The following CRY1 variants were observed in gnomAD, a reference collection of about 807,000 sequenced individuals.
CRY1 encodes the protein cryptochrome circadian regulator 1.
Under a neutral mutation model 76.0 loss-of-function variants are expected in CRY1, and 45 were observed. The ratio of observed to expected loss-of-function variants is 0.59; its 90% CI spans 0.47 to 0.76. The LOEUF is 0.76. Ranked by LOEUF, CRY1 falls within the 30% of genes least tolerant of loss-of-function variation. The probability of loss-of-function intolerance (pLI) is 0.00; values close to 1 mark genes in which losing one functional copy is unlikely to be tolerated. For synonymous variants in CRY1, 248 were observed against 244.0 expected (o/e 1.02, Z -0.15); for missense variants, 587 against 716.4 (o/e 0.82, Z 2.06).
At chr12:107,005,947 G>T (rs1263951144) in intron 2 of CRY1, among the ~76,000 whole-genome samples, 1 of 148,880 alleles carries the variant, frequency 6.7e-6, no homozygotes, top group Non-Finnish European at 1.5e-5. Context: ...TAAGGAGAAA[G>T]TTTTTTTTTT....
chr12:107,092,846 G>C lies in CRY1; in HGVS notation c.116C>G (p.Pro39Arg). 6.2e-7 allele frequency: 1 copy of C among 1,611,536 alleles called. No individual in the cohort carries two copies. The highest frequency in any genetic ancestry group is 8.5e-7 in the Non-Finnish European group (1 of 1,179,788). The change falls in exon 1 of 13, where the codon CCC becomes CGC. Residue 39 changes from proline to arginine, a missense_variant. Pro to Arg is a moderately radical substitution (Grantham distance 103). Coordinates refer to ENST00000008527, the MANE Select transcript of CRY1 (RefSeq NM_004075.5). ...CACATTGGAGGAGCCGGCGAACCAG[G>C]GGTCCAGGATGTAGACGCAGCGGAT... The part of the protein sequence containing the change: ...DTIRCVYILD[P>R]WFAGSSNVGI...
chr12:107,067,589 C>G (rs1307277554), intron 1 of CRY1, among the ~76,000 whole-genome samples: 1 of 151,608 alleles, frequency 6.6e-6, no homozygotes, highest in Non-Finnish European at 1.5e-5. Flanking sequence ...CCTTAGTTTT[C>G]TTCTACTACT....
At chr12:107,081,261 G>A (rs1291054968) in intron 1 of CRY1, among the ~76,000 whole-genome samples, 1 of 151,922 alleles carries the variant, frequency 6.6e-6, no homozygotes. Flanking sequence ...TTTTTTTTAA[G>A]TTATGAGTTT....
intron 1 of CRY1, among the ~76,000 whole-genome samples, chr12:107,069,602 GTATATATATAAAAAGTATATA>G: frequency 2.5e-5 from 1 of 40,058 alleles, no homozygotes; most frequent in Admixed American, 4.5e-4. Context: ...TATATATAAA[GTATATATATAAAAAGTATATA>G]TATATAAAGT....
At chr12:107,039,707 T>C (rs1952776532) in intron 1 of CRY1, among the ~76,000 whole-genome samples, 1 of 152,226 alleles carries the variant, frequency 6.6e-6, no homozygotes. Flanking sequence ...TAATGTAATG[T>C]TGGTGGCGCT....
chr12:107,075,024 AAC>A (rs1491069287), intron 1 of CRY1, among the ~76,000 whole-genome samples: 2 of 151,302 alleles, frequency 1.3e-5, no homozygotes, highest in African/African-American at 2.4e-5. Flanking sequence ...TCAAAAAAAA[AAC>A]AACAAAAAAC....
At chr12:107,083,386 C>CA (rs1239463680) in intron 1 of CRY1, among the ~76,000 whole-genome samples, 1 of 151,866 alleles carries the variant, frequency 6.6e-6, no homozygotes, top group Non-Finnish European at 1.5e-5. Flanking sequence ...GCAGACACAA[C>CA]AAAAAAAGAA....
chr12:107,019,886 T>C (rs1321173370), intron 2 of CRY1, among the ~76,000 whole-genome samples: 2 of 151,950 alleles, frequency 1.3e-5, no homozygotes, highest in Non-Finnish European at 2.9e-5. Flanking sequence ...ACCACTGCAC[T>C]ACAGTCAGGG....
intron 1 of CRY1, among the ~76,000 whole-genome samples, chr12:107,080,696 G>A (rs754490482): frequency 1.3e-4 from 20 of 152,180 alleles, no homozygotes; most frequent in Non-Finnish European, 1.8e-4. Flanking sequence ...GGAATGGGCA[G>A]ATTTAAAGTA....
intron 1 of CRY1, among the ~76,000 whole-genome samples, chr12:107,046,292 CA>C (rs35146852): frequency 0.57 from 83,672 of 145,688 alleles, 23,600 homozygotes; most frequent in East Asian, 0.74. Flanking sequence ...GACTTTGCCT[CA>C]AAAAAAAAAA....
chr12:107,007,993 T>C (rs1280410030), intron 2 of CRY1, among the ~76,000 whole-genome samples: 1 of 152,242 alleles, frequency 6.6e-6, no homozygotes, highest in African/African-American at 2.4e-5. Context: ...AGCTGAATTG[T>C]AGAAAACATA....
intron 1 of CRY1, among the ~76,000 whole-genome samples, chr12:107,026,059 T>C (rs1381094681): frequency 5.7e-5 from 5 of 87,406 alleles, no homozygotes; most frequent in African/African-American, 1.7e-4. Flanking sequence ...CTTCAGAGGA[T>C]GAAAAAATTT....
At chr12:106,992,489 A>T (rs1952189864) in intron 12 of CRY1, 1 of 244,886 alleles carries the variant, frequency 4.1e-6, no homozygotes, top group African/African-American at 2.2e-5. Context: ...TCATAGTTAC[A>T]TAGTAAGGAA....
chr12:107,020,302 T>G (rs1316039972), intron 2 of CRY1, among the ~76,000 whole-genome samples: 8 of 152,062 alleles, frequency 5.3e-5, no homozygotes, highest in Admixed American at 5.2e-4. Context: ...ATAGAAACAT[T>G]GCTATTTCAA....
intron 1 of CRY1, among the ~76,000 whole-genome samples, chr12:107,065,126 T>C (rs1274415780): frequency 6.6e-6 from 1 of 151,934 alleles, no homozygotes; most frequent in Admixed American, 6.6e-5. Context: ...TGAAACCCCA[T>C]CTCTACTAAA....
intron 1 of CRY1, among the ~76,000 whole-genome samples, chr12:107,080,450 T>G (rs1427792936): frequency 6.6e-6 from 1 of 151,958 alleles, no homozygotes; most frequent in Non-Finnish European, 1.5e-5. Flanking sequence ...ACGGACTTTA[T>G]GAGAGGAGAT....
chr12:107,076,287 T>A (rs1953250605), intron 1 of CRY1, among the ~76,000 whole-genome samples: 1 of 152,050 alleles, frequency 6.6e-6, no homozygotes, highest in Admixed American at 6.6e-5. Flanking sequence ...CAGGTTCCAA[T>A]GGTGTCACAT....
chr12:107,086,847 C>A (rs1953408523), intron 1 of CRY1, among the ~76,000 whole-genome samples: 2 of 152,194 alleles, frequency 1.3e-5, no homozygotes, highest in Non-Finnish European at 2.9e-5. Flanking sequence ...TATGGGGTTA[C>A]AGTCCCCACA....
intron 1 of CRY1, among the ~76,000 whole-genome samples, chr12:107,057,053 T>C (rs1020125266): frequency 1.3e-5 from 2 of 151,976 alleles, no homozygotes; most frequent in Non-Finnish European, 2.9e-5. Context: ...ATGTAAGAAA[T>C]ATGTAAAGCT....
Sources: gnomAD v4.1 joint callset for allele counts (sites outside exome capture counted in the v4.1 genomes callset) on GRCh38, gnomAD v4.1.1 for gene constraint, MANE v1.5 for transcripts, NCBI Gene and HGNC (gene_info 2026-07-23, HGNC 2026-07-21) for gene names.